Variants in BICD2 observed in about 807,000 individuals in gnomAD.
The protein encoded by BICD2 is protein bicaudal D homolog 2.
In BICD2, 25 loss-of-function variants were observed where a neutral mutation model predicts 72.9. The ratio of observed to expected loss-of-function variants is 0.34; its 90% confidence interval spans 0.25 to 0.48. The LOEUF (loss-of-function observed/expected upper bound fraction) is 0.48, where lower values mean the gene tolerates loss of function less well. Among genes scored for constraint, BICD2 ranks in the 20% least tolerant of loss-of-function variants. BICD2 has a pLI of 0.99. For missense variants in BICD2, 894 were observed against 1,175.2 expected, an observed-to-expected ratio of 0.76 and a Z score of 3.50; for synonymous variants, 501 against 516.1, an observed-to-expected ratio of 0.97 and a Z score of 0.40.
At position 92,729,050 on chromosome 9, in the gene BICD2, C is replaced by T; in HGVS notation, c.427G>A (p.Ala143Thr). 6.2e-7 allele frequency: 1 copy of T among 1,614,204 alleles called. No homozygotes were observed. Among genetic ancestry groups the T allele is most frequent in the East Asian group, 2.2e-5 (1 of 44,890 alleles). ...TNTQSENERL[A>T]SVAQELKEIN... is the part of the protein sequence containing the mutation. The stretch of plus-strand genomic sequence containing the variant: ...TCCTTCAGCTCCTGGGCCACAGAGG[C>T]CAGGCGCTCATTCTCCGACTGCGTG... Residue 143 changes from alanine (A) to threonine (T), a missense_variant, in exon 2 of 7, where the codon GCC becomes ACC. Transcript: ENST00000356884.
intron 1 of BICD2, among the ~76,000 whole-genome samples, chr9:92,756,347 C>T (rs1213060801): frequency 2.0e-5 from 3 of 151,746 alleles, no homozygotes; most frequent in East Asian, 2.0e-4. Flanking sequence ...CTGCAAGCTC[C>T]GCCTCCCGGG....
rs570631732 is a variant in BICD2 at position 92,724,136 on chromosome 9, C to G, written c.454-1328G>C. 4.6e-5 allele frequency among the ~76,000 whole-genome samples: 7 copies of G among 152,350 alleles called. No individual in the cohort carries two copies. In the South Asian group the frequency reaches 1.5e-3, roughly 32 times the overall value. On this transcript the variant is annotated intron_variant, in intron 2 of 6. Transcript: ENST00000356884. ...GCTCCCCAGACCATCACCACCCCTG[C>G]TCCAAAGCCCTCTTGGACTCTCGGC...
At chr9:92,762,147 A>G (rs1220126583) in intron 1 of BICD2, among the ~76,000 whole-genome samples, 1 of 152,236 alleles carries the variant, frequency 6.6e-6, no homozygotes, top group African/African-American at 2.4e-5. Flanking sequence ...TTAGTTCAAG[A>G]AATAAAGTTT....
intron 1 of BICD2, among the ~76,000 whole-genome samples, chr9:92,731,611 G>A (rs980452349): frequency 6.6e-6 from 1 of 152,124 alleles, no homozygotes; most frequent in Admixed American, 6.6e-5. Context: ...TCCACCAAAA[G>A]AACTTCCCAG....
Position 92,764,515 on chromosome 9 carries a change from T to C in BICD2, c.230A>G (p.Gln77Arg), listed in dbSNP as rs1290487353. The change falls in exon 1 of 7, where the codon CAG (glutamine) becomes CGG (arginine). Residue 77 changes from glutamine (Q) to arginine (R), a missense_variant. By Grantham distance (43) the Gln-to-Arg change is conservative. Coordinates refer to ENST00000356884, the MANE Select transcript of BICD2 (RefSeq NM_001003800.2). The surrounding 1 kb of genome is among the most constrained non-coding windows in gnomAD (Gnocchi z 5.5). ...GGCGGCTCGGCTCACCTCCTTGAGC[T>C]GCTCCATCTCGCTGCGGATAGCCTC... ...DYEAIRSEMEQLKEAFGQAHT... is the reference protein window; with the variant it reads ...DYEAIRSEMERLKEAFGQAHT... The C allele has an allele frequency of 6.5e-7, 1 of 1,532,954 alleles. No individual in the cohort carries two copies. Among genetic ancestry groups the C allele is most frequent in the East Asian group, 2.6e-5 (1 of 38,616 alleles). 95.0% of individuals were successfully genotyped at this position (1,532,954 alleles called of 1,614,324 possible).
chr9:92,724,591 T>C (rs193060125), intron 2 of BICD2, among the ~76,000 whole-genome samples: 150 of 152,314 alleles, frequency 9.8e-4, no homozygotes, highest in African/African-American at 3.3e-3. Context: ...CAAAGCCTTG[T>C]ACCAGAGGAG....
chr9:92,713,859 G>C lies in BICD2; in HGVS notation c.*1295C>G, dbSNP rs370147897. On this transcript the variant is annotated 3_prime_UTR_variant, in exon 7 of 7. Transcript: ENST00000356884. ...CGCGCAGGGCAGAGAGCTGTGGGAG[G>C]GGGCAACACGGTCTCTCACCAGGTA... 9.7e-7 allele frequency: 1 copy of C among 1,030,190 alleles called. No homozygotes were observed. The highest frequency in any genetic ancestry group is 1.2e-6 in the Non-Finnish European group (1 of 856,544). The allele number at this position is 1,030,190 out of a possible 1,614,324, so 63.8% of individuals were successfully genotyped here.
chr9:92,755,808 G>A (rs1003024533), intron 1 of BICD2, among the ~76,000 whole-genome samples: 1 of 152,216 alleles, frequency 6.6e-6, no homozygotes, highest in Non-Finnish European at 1.5e-5. Context: ...GGGGAGCCCA[G>A]GCAGCAGGCA....
chr9:92,744,948 A>G (rs1279918543), intron 1 of BICD2, among the ~76,000 whole-genome samples: 1 of 152,250 alleles, frequency 6.6e-6, no homozygotes, highest in Non-Finnish European at 1.5e-5. Flanking sequence ...ACATTTTACT[A>G]TATGTAATTC....
intron 1 of BICD2, among the ~76,000 whole-genome samples, chr9:92,752,375 G>C (rs990188182): frequency 3.9e-5 from 6 of 152,084 alleles, no homozygotes; most frequent in Non-Finnish European, 5.9e-5. Context: ...TATGTTAAAG[G>C]GGGTATAAGA....
intron 1 of BICD2, among the ~76,000 whole-genome samples, chr9:92,751,428 G>T (rs562323402): frequency 2.5e-4 from 38 of 152,108 alleles, no homozygotes; most frequent in Admixed American, 1.6e-3. Flanking sequence ...ACAGGTGTGA[G>T]CCACTGAGCC....
At chr9:92,723,287 T>C (rs753348465) in intron 2 of BICD2, among the ~76,000 whole-genome samples, 8 of 152,270 alleles carry the variant, frequency 5.3e-5, no homozygotes, top group Non-Finnish European at 1.2e-4. Flanking sequence ...AGCGTTCATT[T>C]TGCCAAAAGG....
intron 1 of BICD2, among the ~76,000 whole-genome samples, chr9:92,735,456 T>A (rs1166827795): frequency 6.6e-6 from 1 of 151,662 alleles, no homozygotes; most frequent in Non-Finnish European, 1.5e-5. Context: ...GCCAGCCTCA[T>A]CTGAGGGAAT....
At chr9:92,734,505 C>A (rs1459127773) in intron 1 of BICD2, among the ~76,000 whole-genome samples, 4 of 129,342 alleles carry the variant, frequency 3.1e-5, no homozygotes, top group South Asian at 2.6e-4. Flanking sequence ...TAGAGCTAGA[C>A]CCTGTCTCAA....
intron 2 of BICD2, among the ~76,000 whole-genome samples, chr9:92,723,211 A>C (rs1853499519): frequency 6.6e-6 from 1 of 152,256 alleles, no homozygotes; most frequent in East Asian, 1.9e-4. Context: ...TTAAACACAG[A>C]GGGTCTACCC....
At chr9:92,755,444 C>CT (rs1854235695) in intron 1 of BICD2, among the ~76,000 whole-genome samples, 1 of 152,144 alleles carries the variant, frequency 6.6e-6, no homozygotes, top group Non-Finnish European at 1.5e-5. Context: ...CGCACACTCC[C>CT]TCCCCTTTTG....
chr9:92,717,142 C>T (rs1853332916), intron 6 of BICD2, among the ~76,000 whole-genome samples: 1 of 149,508 alleles, frequency 6.7e-6, no homozygotes, highest in African/African-American at 2.6e-5. Context: ...GGGCAAATAC[C>T]TCATGAGAGG....
chr9:92,735,409 C>G lies in BICD2; in HGVS notation c.241-6173G>C, dbSNP rs192743579. ...CCAGGAGGGAGAAATCACAGGGGCT[C>G]AGGGAAGGGATTTCAAAAACCACAT... On this transcript the variant is annotated intron_variant, in intron 1 of 6. Coordinates refer to ENST00000356884, the MANE Select transcript of BICD2 (RefSeq NM_001003800.2). Among the ~76,000 whole-genome samples, 559 of 151,830 alleles carry G rather than the reference C, an allele frequency of 3.7e-3. 3 individuals carry two copies. The highest frequency in any genetic ancestry group is 0.012 in the African/African-American group (499 of 41,372).
At chr9:92,734,752 G>A (rs1853744457) in intron 1 of BICD2, among the ~76,000 whole-genome samples, 1 of 152,084 alleles carries the variant, frequency 6.6e-6, no homozygotes, top group South Asian at 2.1e-4. Flanking sequence ...CTGCCTCACT[G>A]TGGGCCTCCT....
Sources: gnomAD v4.1 joint callset for allele counts (sites outside exome capture counted in the v4.1 genomes callset) on GRCh38, gnomAD v4.1.1 for gene constraint, Gnocchi (gnomAD v3.1) non-coding constraint, MANE v1.5 for transcripts, NCBI Gene and HGNC (gene_info 2026-07-23, HGNC 2026-07-21) for gene names.